Variants in LARS2 observed in about 807,000 individuals in gnomAD.
LARS2 encodes leucine--tRNA ligase, mitochondrial.
In LARS2, 81 loss-of-function variants were observed where a neutral mutation model predicts 116.6. The ratio of observed to expected loss-of-function variants is 0.69; its 90% CI spans 0.58 to 0.84. LARS2 has a LOEUF of 0.84. Ranked by LOEUF, LARS2 falls within the 40% of genes least tolerant of loss-of-function variation. The pLI, the probability that LARS2 is intolerant of heterozygous loss-of-function variation, is 0.00. For synonymous variants in LARS2, 396 were observed against 407.2 expected (o/e 0.97, Z 0.33); for missense variants, 968 against 1,114.5 (o/e 0.87, Z 1.87).
At chr3:45,505,661 C>T (rs553832348) in intron 15 of LARS2, among the ~76,000 whole-genome samples, 2 of 152,026 alleles carry the variant, frequency 1.3e-5, no homozygotes, top group Admixed American at 6.6e-5. Flanking sequence ...TGCACGCTAG[C>T]CTATGCAACA....
intron 13 of LARS2, among the ~76,000 whole-genome samples, chr3:45,493,131 G>T (rs553694932): frequency 6.6e-6 from 1 of 151,222 alleles, no homozygotes; most frequent in Non-Finnish European, 1.5e-5. Context: ...ATGGAGTCTC[G>T]CTCTGTCGCC....
At chr3:45,438,781 G>C (rs1698850340) in intron 6 of LARS2, among the ~76,000 whole-genome samples, 1 of 152,056 alleles carries the variant, frequency 6.6e-6, no homozygotes, top group Non-Finnish European at 1.5e-5. Flanking sequence ...GTTGCAGTGA[G>C]CTGAGATCGC....
chr3:45,439,380 C>T (rs1485219614), intron 6 of LARS2, among the ~76,000 whole-genome samples: 1 of 151,882 alleles, frequency 6.6e-6, no homozygotes, highest in African/African-American at 2.4e-5. Flanking sequence ...ACCACCATGC[C>T]TGGCTAATTT....
intron 16 of LARS2, among the ~76,000 whole-genome samples, chr3:45,515,878 G>A (rs530632619): frequency 6.6e-5 from 10 of 152,298 alleles, no homozygotes; most frequent in East Asian, 5.8e-4. Context: ...GTTTATTCGC[G>A]AAGGTTTGTG....
intron 4 of LARS2, among the ~76,000 whole-genome samples, chr3:45,410,473 A>G (rs978943984): frequency 2.0e-5 from 3 of 152,194 alleles, no homozygotes; most frequent in African/African-American, 7.2e-5. Context: ...CTTGTCTACC[A>G]CGGACTAAAA....
chr3:45,459,332 C>G (rs529381365), intron 8 of LARS2, among the ~76,000 whole-genome samples: 42 of 152,228 alleles, frequency 2.8e-4, no homozygotes, highest in African/African-American at 9.2e-4. Flanking sequence ...CATGTCTTTC[C>G]CACCCAACTC....
chr3:45,452,359 C>G (rs1445761549), intron 7 of LARS2, among the ~76,000 whole-genome samples: 1 of 150,144 alleles, frequency 6.7e-6, no homozygotes, highest in Non-Finnish European at 1.5e-5. Context: ...GAGGTGTGTT[C>G]CTACTATACC....
At chr3:45,424,880 T>A (rs1698569933) in intron 6 of LARS2, among the ~76,000 whole-genome samples, 1 of 152,182 alleles carries the variant, frequency 6.6e-6, no homozygotes, top group Non-Finnish European at 1.5e-5. Flanking sequence ...GTCATCACCA[T>A]CTCTCTCATG....
At chr3:45,405,829 G>A (rs1359972085) in intron 4 of LARS2, among the ~76,000 whole-genome samples, 2 of 152,218 alleles carry the variant, frequency 1.3e-5, no homozygotes, top group African/African-American at 2.4e-5. Context: ...GATGATGGCT[G>A]TTCTTACCTC....
At chr3:45,453,568 T>C (rs1350918980) in intron 7 of LARS2, among the ~76,000 whole-genome samples, 2 of 152,234 alleles carry the variant, frequency 1.3e-5, no homozygotes, top group Non-Finnish European at 2.9e-5. Flanking sequence ...CTGGCACCTC[T>C]TCCACTGTAC....
chr3:45,484,633 ATAT>A, intron 10 of LARS2, among the ~76,000 whole-genome samples: 1 of 80,300 alleles, frequency 1.2e-5, no homozygotes, highest in Non-Finnish European at 2.6e-5. Context: ...AAAAAAAAAT[ATAT>A]ATATATATAT....
chr3:45,519,189 T>C (rs1314756620), intron 18 of LARS2, among the ~76,000 whole-genome samples: 2 of 152,184 alleles, frequency 1.3e-5, no homozygotes, highest in East Asian at 3.9e-4. Context: ...ATGTTGACTG[T>C]ACATTTCAAA....
chr3:45,391,091 G>A (rs916080312), intron 1 of LARS2, among the ~76,000 whole-genome samples: 1 of 152,108 alleles, frequency 6.6e-6, no homozygotes, highest in African/African-American at 2.4e-5. Flanking sequence ...TTGATATACA[G>A]ATTTTTTAGC....
chr3:45,484,685 TAATAGA>T (rs1699775491), intron 10 of LARS2, among the ~76,000 whole-genome samples: 1 of 132,558 alleles, frequency 7.5e-6, no homozygotes, highest in Non-Finnish European at 1.6e-5. Flanking sequence ...CAATACAATG[TAATAGA>T]ATTATTGTAT....
chr3:45,495,055 C>T (rs1014991868), intron 13 of LARS2, among the ~76,000 whole-genome samples: 4 of 152,078 alleles, frequency 2.6e-5, no homozygotes, highest in Admixed American at 2.0e-4. Context: ...GTGACAGAGC[C>T]AGACTCCATC....
In LARS2 at chr3:45,533,399, G is replaced by A. The variant is rs374444770; in HGVS notation, c.2405-8430G>A. ...TCTGACTTCGTGATCCGCCCGCCTC[G>A]GCCTACCAAATTGCTGGGATTACAG... On this transcript the variant is annotated intron_variant, in intron 20 of 21. Transcript: ENST00000645846. 9.2e-5 allele frequency among the ~76,000 whole-genome samples: 14 copies of A among 151,844 alleles called. No homozygotes were observed. The East Asian group carries it at 1.4e-3, about 15-fold the overall frequency.
intron 19 of LARS2, among the ~76,000 whole-genome samples, chr3:45,521,827 G>A (rs771742355): frequency 6.6e-6 from 1 of 152,212 alleles, no homozygotes; most frequent in East Asian, 1.9e-4. Flanking sequence ...ACTATTCAGG[G>A]CCAGGCACAG....
At chr3:45,541,464 G>C (rs1234234448) in intron 20 of LARS2, 1 of 197,810 alleles carries the variant, frequency 5.1e-6, no homozygotes, top group Admixed American at 5.9e-5. Flanking sequence ...GATAGGTAGC[G>C]AATGCTGCTC....
intron 12 of LARS2, 78 bp from the exon 13 acceptor site, chr3:45,491,439 G>C: frequency 6.7e-7 from 1 of 1,484,158 alleles, no homozygotes; most frequent in African/African-American, 1.4e-5. Flanking sequence ...ACATAAACAT[G>C]GCAGGACTGG....
Sources: gnomAD v4.1 joint callset for allele counts (sites outside exome capture counted in the v4.1 genomes callset) on GRCh38, gnomAD v4.1.1 for gene constraint, MANE v1.5 for transcripts, NCBI Gene and HGNC (gene_info 2026-07-23, HGNC 2026-07-21) for gene names.